The following CRLF1 variants were observed in gnomAD, a reference collection of about 807,000 sequenced individuals.
CRLF1 encodes the protein cytokine receptor-like factor 1.
CRLF1 carries 36 observed loss-of-function variants against 48.9 expected under a neutral mutation model. The observed-to-expected ratio is 0.74, with a 90% confidence interval of 0.56 to 0.97. The LOEUF (loss-of-function observed/expected upper bound fraction) is 0.97, where lower values mean the gene tolerates loss of function less well. Among genes scored for constraint, CRLF1 ranks in the 50% least tolerant of loss-of-function variants. The pLI, the probability that CRLF1 is intolerant of heterozygous loss-of-function variation, is 0.00. For missense variants in CRLF1, 534 were observed against 575.1 expected, an observed-to-expected ratio of 0.93 and a Z score of 0.73; for synonymous variants, 256 against 253.4, an observed-to-expected ratio of 1.01 and a Z score of -0.10.
intron 1 of CRLF1, among the ~76,000 whole-genome samples, chr19:18,601,209 G>A (rs1976216159): frequency 6.6e-6 from 1 of 151,848 alleles, no homozygotes; most frequent in Admixed American, 6.6e-5. Context: ...CATAGTAGGT[G>A]TTTCTGTGGG....
At position 18,600,612 on chromosome 19, in the gene CRLF1, C is replaced by T. The variant is rs181771398; in HGVS notation, c.116-766G>A. On this transcript the variant is annotated intron_variant, in intron 1 of 8. Coordinates refer to ENST00000392386, the MANE Select transcript of CRLF1 (RefSeq NM_004750.5). Reference sequence around the variant, plus strand: ...CGATCTCCTGACCTCATGATCCATCCGTATGGGCCTCCCAAAGTGCTGGGA... The same window carrying T: ...CGATCTCCTGACCTCATGATCCATCTGTATGGGCCTCCCAAAGTGCTGGGA... 3.3e-5 allele frequency among the ~76,000 whole-genome samples: 5 copies of T among 152,248 alleles called. No homozygotes were observed. In the East Asian group the frequency reaches 7.7e-4, roughly 24 times the overall value.
At chr19:18,594,943 A>G (rs1048015743) in intron 6 of CRLF1, among the ~76,000 whole-genome samples, 1 of 152,146 alleles carries the variant, frequency 6.6e-6, no homozygotes, top group Admixed American at 6.5e-5. Flanking sequence ...ACATAGGGAC[A>G]AAGAGATCGA....
chr19:18,599,923 T>C (rs747983469), intron 1 of CRLF1, 77 bp from the exon 2 acceptor site: 2 of 1,369,102 alleles, frequency 1.5e-6, no homozygotes, highest in African/African-American at 1.5e-5. Flanking sequence ...ACCTCCAGGG[T>C]TCATGGTGGT....
At position 18,596,939 on chromosome 19, in the gene CRLF1, C is replaced by T. The variant is rs768979541; in HGVS notation, c.808G>A (p.Ala270Thr). 62 of 1,613,982 alleles carry T rather than the reference C, an allele frequency of 3.8e-5. 1 individual carries two copies. In the East Asian group the frequency reaches 1.4e-3, roughly 36 times the overall value. ...ACTCGGTAGCGGATCTGGTATTTGG[C>T]TTGAAAGAGGAAATCCTTGAGGGCG... ...PPALKDFLFQAKYQIRYRVED... is the reference protein window; with the variant it reads ...PPALKDFLFQTKYQIRYRVED... Residue 270 changes from alanine (A) to threonine (T), a missense_variant, in exon 5 of 9, where the codon GCC becomes ACC. Ala to Thr is a moderately conservative substitution (Grantham distance 58). Coordinates refer to ENST00000392386, the MANE Select transcript of CRLF1 (RefSeq NM_004750.5).
intron 2 of CRLF1, 140 bp from the exon 3 acceptor site, chr19:18,599,041 G>A (rs533512867): frequency 2.0e-6 from 3 of 1,506,798 alleles, no homozygotes; most frequent in Non-Finnish European, 8.8e-7. Context: ...CCTGTGCTGA[G>A]AAATGCCAGC....
chr19:18,601,829 C>T (rs752422010), intron 1 of CRLF1, among the ~76,000 whole-genome samples: 1 of 152,166 alleles, frequency 6.6e-6, no homozygotes, highest in Non-Finnish European at 1.5e-5. Context: ...GATGGAGTTT[C>T]CTTGCTGGAA....
chr19:18,600,940 G>T (rs1377652795), intron 1 of CRLF1, among the ~76,000 whole-genome samples: 1 of 151,830 alleles, frequency 6.6e-6, no homozygotes, highest in Non-Finnish European at 1.5e-5. Context: ...AAGTAGCTGG[G>T]ACTACAGGTG....
In CRLF1 at chr19:18,606,459, G is replaced by A; in HGVS notation, c.115+83C>T. On this transcript the variant is annotated intron_variant, in intron 1 of 8. Coordinates refer to ENST00000392386, the MANE Select transcript of CRLF1 (RefSeq NM_004750.5). The surrounding 1 kb of genome is among the most constrained non-coding windows in gnomAD (Gnocchi z 4.8). ...TTCCCCGGCCGTCCAGGTGGCGCCC[G>A]CGCCCCCTCCCCCCGCGGCTGCCCC... is the stretch of plus-strand genomic sequence containing the variant. The A allele has an allele frequency of 9.7e-7, 1 of 1,027,024 alleles. No individual in the cohort carries two copies. Among genetic ancestry groups the A allele is most frequent in the Non-Finnish European group, 1.2e-6 (1 of 850,478 alleles). The allele number at this position is 1,027,024 out of a possible 1,614,324, so 63.6% of individuals were successfully genotyped here.
intron 8 of CRLF1, 94 bp from the exon 9 acceptor site, chr19:18,593,673 C>T: frequency 6.5e-7 from 1 of 1,549,102 alleles, no homozygotes; most frequent in Non-Finnish European, 8.7e-7. Context: ...GTCCTGTCCC[C>T]ACCGCTTCTG....
At chr19:18,594,032 T>TGGGGGCCCCC in intron 8 of CRLF1, 33 bp downstream of exon 8, 3 of 695,808 alleles carry the variant, frequency 4.3e-6, no homozygotes, top group Non-Finnish European at 4.4e-6. Context: ...CTCCCCTTGC[T>TGGGGGCCCCC]CCCTCCCGCC....
At chr19:18,594,032 T>TGGGCGCC in intron 8 of CRLF1, 33 bp downstream of exon 8, 32 of 695,786 alleles carry the variant, frequency 4.6e-5, no homozygotes, top group Non-Finnish European at 6.6e-5. Flanking sequence ...CTCCCCTTGC[T>TGGGCGCC]CCCTCCCGCC....
In CRLF1 at chr19:18,594,107, C is replaced by T. The variant is rs1280660090; in HGVS notation, c.1213G>A (p.Asp405Asn). 1 of 1,574,952 alleles carries T rather than the reference C, an allele frequency of 6.3e-7. No homozygotes were observed. Among genetic ancestry groups the T allele is most frequent in the Middle Eastern group, 1.7e-4 (1 of 6,012 alleles). The change falls in exon 8 of 9, where the codon GAC becomes AAC. Residue 405 changes from aspartate to asparagine, a missense_variant and splice_region_variant. By Grantham distance (23) the Asp-to-Asn change is conservative. Transcript: ENST00000392386. ...MQKSHKTRNQ[D>N]EGILPSGRRG... ...CTGCCCGAGGGCAGGATCCCCTCGT[C>T]CTGTGCTTGGAAGGAAGGCAGAGGT...
chr19:18,594,029 T>TTCGGGGG, intron 8 of CRLF1, 36 bp downstream of exon 8: 13 of 1,366,614 alleles, frequency 9.5e-6, no homozygotes, highest in Non-Finnish European at 1.3e-5. Context: ...GCCCTCCCCT[T>TTCGGGGG]GCTCCCTCCC....
intron 1 of CRLF1, among the ~76,000 whole-genome samples, chr19:18,602,239 G>A (rs1425919193): frequency 1.3e-5 from 2 of 152,184 alleles, no homozygotes; most frequent in African/African-American, 4.8e-5. Flanking sequence ...GAGGAGGAGG[G>A]GGTGCACAGG....
Position 18,599,633 on chromosome 19 carries a change from G to A in CRLF1, c.329C>T (p.Ser110Leu), listed in dbSNP as rs1976192184. ...LANLNGSRQR[S>L]GDNLVCHARD... ...GGCGTGGCACACGAGGTTGTCCCCC[G>A]ACCGCTGCCTGGACCCATTGAGGTT... The change falls in exon 2 of 9, where the codon TCG (serine) becomes TTG (leucine). Residue 110 changes from serine (S) to leucine (L), a missense_variant. By Grantham distance (145) the Ser-to-Leu change is moderately radical. Transcript: ENST00000392386. 10 of 1,613,422 alleles carry A rather than the reference G, an allele frequency of 6.2e-6. No individual in the cohort carries two copies. Among genetic ancestry groups the A allele is most frequent in the Non-Finnish European group, 8.5e-6 (10 of 1,179,988 alleles).
chr19:18,594,032 T>TGGCCCCC, intron 8 of CRLF1, 33 bp downstream of exon 8: 6 of 695,806 alleles, frequency 8.6e-6, no homozygotes, highest in Non-Finnish European at 1.3e-5. Flanking sequence ...CTCCCCTTGC[T>TGGCCCCC]CCCTCCCGCC....
chr19:18,602,966 C>T (rs1197762519), intron 1 of CRLF1, among the ~76,000 whole-genome samples: 1 of 152,222 alleles, frequency 6.6e-6, no homozygotes, highest in Non-Finnish European at 1.5e-5. Context: ...CCGCCTTGGC[C>T]TCCCAAAGTG....
At chr19:18,601,121 T>G (rs561314194) in intron 1 of CRLF1, among the ~76,000 whole-genome samples, 1 of 152,306 alleles carries the variant, frequency 6.6e-6, no homozygotes, top group Non-Finnish European at 1.5e-5. Flanking sequence ...TATTTTTCAT[T>G]CTCATTTTGT....
At chr19:18,595,509 C>T (rs892141094) in intron 6 of CRLF1, among the ~76,000 whole-genome samples, 3 of 152,190 alleles carry the variant, frequency 2.0e-5, no homozygotes, top group African/African-American at 7.2e-5. Flanking sequence ...GTGTGACCTC[C>T]TAGAGCCTCA....
Sources: allele counts gnomAD v4.1 joint callset (sites outside exome capture counted in the v4.1 genomes callset), GRCh38; gene constraint gnomAD v4.1.1; non-coding constraint Gnocchi (gnomAD v3.1); transcripts MANE v1.5; gene names NCBI Gene and HGNC (gene_info 2026-07-23, HGNC 2026-07-21).